Variants in USP49 observed in about 807,000 individuals in gnomAD.
USP49 encodes the protein ubiquitin carboxyl-terminal hydrolase 49.
In USP49, 24 loss-of-function variants were observed where a neutral mutation model predicts 58.6. That is an observed-to-expected ratio of 0.41 (90% CI 0.30 to 0.58). The LOEUF is 0.58. USP49 is among the 20% of genes least tolerant of loss of function. The pLI, the probability that USP49 is intolerant of heterozygous loss-of-function variation, is 0.30. For synonymous variants in USP49, 408 were observed against 365.1 expected (o/e 1.12, Z -1.34); for missense variants, 703 against 866.1 (o/e 0.81, Z 2.36).
At chr6:41,816,425 C>CA (rs1488225578) in intron 3 of USP49, among the ~76,000 whole-genome samples, 3 of 152,126 alleles carry the variant, frequency 2.0e-5, no homozygotes, top group African/African-American at 7.2e-5. Context: ...GAATTTTAGA[C>CA]AACTGTTCTT....
At chr6:41,852,582 C>T (rs2127350992) in intron 3 of USP49, among the ~76,000 whole-genome samples, 1 of 152,160 alleles carries the variant, frequency 6.6e-6, no homozygotes, top group African/African-American at 2.4e-5. Context: ...ATTAAAGACA[C>T]AAATAAATGG....
chr6:41,817,150 CTTT>C (rs34281670), intron 3 of USP49, among the ~76,000 whole-genome samples: 1 of 104,370 alleles, frequency 9.6e-6, no homozygotes, highest in African/African-American at 4.4e-5. Flanking sequence ...CCCACGCATG[CTTT>C]TTTTTTTTTT....
In USP49 at chr6:41,805,784, C is replaced by G. The variant is rs757111868; in HGVS notation, c.1200G>C (p.Ala400=). 6.8e-6 allele frequency: 11 copies of G among 1,614,008 alleles called. No individual in the cohort carries two copies. The South Asian group carries it at 1.2e-4, about 18-fold the overall frequency. Residue 400 remains alanine (A), a synonymous_variant, in exon 4 of 8, where the codon GCG becomes GCC. Coordinates refer to ENST00000682992, the MANE Select transcript of USP49 (RefSeq NM_001286554.2). ...PAFRGYDQQD[A]QEFLCELLHK... is the part of the protein sequence containing the mutation. The stretch of plus-strand genomic sequence containing the variant: ...GCAGCAGCTCGCAGAGAAATTCCTG[C>G]GCGTCCTGTTGGTCGTAGCCGCGGA...
intron 3 of USP49, among the ~76,000 whole-genome samples, chr6:41,811,239 G>C (rs909178447): frequency 9.9e-5 from 15 of 152,038 alleles, no homozygotes; most frequent in Non-Finnish European, 4.4e-5. Context: ...CATTTTTCTG[G>C]ATGTGTTTGC....
chr6:41,803,297 TTTGTTGTTG>T lies in USP49; in HGVS notation c.1561+500_1561+508del, dbSNP rs140001289. The stretch of plus-strand genomic sequence containing the variant: ...AATCAACTCCTAGGTCTTTGTTTCA[TTTGTTGTTG>T]TTGTTGTTGTTGTTTGAAACGGAGT... On this transcript the variant is annotated intron_variant, in intron 5 of 7. Transcript: ENST00000682992. The surrounding 1 kb of genome is among the most constrained non-coding windows in gnomAD (Gnocchi z 4.1). Among the ~76,000 whole-genome samples the T allele has an allele frequency of 1.9e-4, 29 of 151,508 alleles. No homozygotes were observed. Among genetic ancestry groups the T allele is most frequent in the Admixed American group, 1.2e-3 (19 of 15,224 alleles).
intron 3 of USP49, among the ~76,000 whole-genome samples, chr6:41,834,103 T>G (rs561049976): frequency 6.6e-6 from 1 of 152,320 alleles, no homozygotes; most frequent in African/African-American, 2.4e-5. Flanking sequence ...AAAGGAAATT[T>G]GTCCTATTTA....
chr6:41,870,660 C>G (rs1157673050), intron 3 of USP49, among the ~76,000 whole-genome samples: 1 of 149,334 alleles, frequency 6.7e-6, no homozygotes, highest in Non-Finnish European at 1.5e-5. Context: ...CCTTAGCCTC[C>G]CGAGTAGCTA....
intron 2 of USP49, among the ~76,000 whole-genome samples, chr6:41,884,032 G>GC (rs1012601596): frequency 6.8e-6 from 1 of 147,576 alleles, no homozygotes; most frequent in Non-Finnish European, 1.5e-5. Context: ...ATCTTTTTTT[G>GC]TTTTTTTTTT....
intron 3 of USP49, among the ~76,000 whole-genome samples, chr6:41,867,552 GC>G (rs1420410834): frequency 6.2e-5 from 9 of 146,286 alleles, no homozygotes; most frequent in Non-Finnish European, 1.3e-4. Context: ...GACCATCCTG[GC>G]TAATATGGTG....
At chr6:41,853,996 T>A (rs1161103556) in intron 3 of USP49, among the ~76,000 whole-genome samples, 2 of 45,596 alleles carry the variant, frequency 4.4e-5, no homozygotes, top group African/African-American at 2.2e-4. Context: ...CGAGACTCTG[T>A]CTCGAAAAAA....
chr6:41,867,025 TA>T (rs1561922660), intron 3 of USP49, among the ~76,000 whole-genome samples: 1 of 152,210 alleles, frequency 6.6e-6, no homozygotes, highest in African/African-American at 2.4e-5. Flanking sequence ...ACCACACTTA[TA>T]GGAGGGCCAA....
intron 3 of USP49, among the ~76,000 whole-genome samples, chr6:41,824,319 G>C (rs946803928): frequency 1.3e-5 from 2 of 151,862 alleles, no homozygotes; most frequent in Non-Finnish European, 2.9e-5. Flanking sequence ...GCAAATTTGA[G>C]GGTTTTTCTA....
intron 3 of USP49, among the ~76,000 whole-genome samples, chr6:41,815,792 G>C (rs1011427526): frequency 9.9e-5 from 15 of 152,204 alleles, no homozygotes; most frequent in Non-Finnish European, 1.9e-4. Context: ...CAGAGCCCTT[G>C]TGAGGTGTGC....
At chr6:41,876,184 C>T (rs932867005) in intron 2 of USP49, among the ~76,000 whole-genome samples, 1 of 152,160 alleles carries the variant, frequency 6.6e-6, no homozygotes, top group African/African-American at 2.4e-5. Context: ...CCCTCAGTGC[C>T]TCAAGATAGC....
At chr6:41,870,502 CT>C (rs1774394909) in intron 3 of USP49, among the ~76,000 whole-genome samples, 1 of 152,006 alleles carries the variant, frequency 6.6e-6, no homozygotes, top group Non-Finnish European at 1.5e-5. Context: ...ACTTTTATAT[CT>C]CATAAACTTA....
chr6:41,801,609 C>T (rs1383699996), intron 5 of USP49, among the ~76,000 whole-genome samples: 3 of 152,176 alleles, frequency 2.0e-5, no homozygotes, highest in Non-Finnish European at 2.9e-5. Context: ...GTGACTGCCA[C>T]CTTCAGCAGA....
At chr6:41,861,147 A>G (rs1368312309) in intron 3 of USP49, among the ~76,000 whole-genome samples, 1 of 151,724 alleles carries the variant, frequency 6.6e-6, no homozygotes, top group East Asian at 1.9e-4. Flanking sequence ...AACAATAAAA[A>G]TAAAATAAAA....
In USP49 at chr6:41,889,180, G is replaced by A. The variant is rs150827906; in HGVS notation, c.-103+2614C>T. Among the ~76,000 whole-genome samples, 234 of 152,038 alleles carry A rather than the reference G, an allele frequency of 1.5e-3. 1 individual carries two copies. Among genetic ancestry groups the A allele is most frequent in the African/African-American group, 5.3e-3 (220 of 41,484 alleles). ...CCAGAGTAGCTGGGATTACCGGCAC[G>A]TGCCACCACGTGTGGCTAATTTTTG... On this transcript the variant is annotated intron_variant, in intron 2 of 7. Transcript: ENST00000682992.
chr6:41,894,611 C>A (rs72867174), intron 1 of USP49, among the ~76,000 whole-genome samples: 239 of 152,152 alleles, frequency 1.6e-3, no homozygotes, highest in Non-Finnish European at 2.5e-3. Context: ...TTTCCTACTC[C>A]CAACTATTAC....
Sources: allele counts gnomAD v4.1 joint callset (sites outside exome capture counted in the v4.1 genomes callset), GRCh38; gene constraint gnomAD v4.1.1; non-coding constraint Gnocchi (gnomAD v3.1); transcripts MANE v1.5; gene names NCBI Gene and HGNC (gene_info 2026-07-23, HGNC 2026-07-21).